The following TMEM198 variants were observed in gnomAD, a reference collection of about 807,000 sequenced individuals.
TMEM198 encodes the protein transmembrane protein 198.
TMEM198 carries 21 observed loss-of-function variants against 31.5 expected under a neutral mutation model. The ratio of observed to expected loss-of-function variants is 0.67; its 90% confidence interval spans 0.47 to 0.96. TMEM198 has a LOEUF of 0.96. TMEM198 is among the 40% of genes least tolerant of loss of function. The pLI is 0.00. For synonymous variants in TMEM198, 211 were observed against 223.3 expected, an observed-to-expected ratio of 0.95 and a Z score of 0.49; for missense variants, 447 against 499.4, an observed-to-expected ratio of 0.89 and a Z score of 1.00.
At chr2:219,548,138 G>T in intron 3 of TMEM198, 57 bp downstream of exon 3, 1 of 1,426,892 alleles carries the variant, frequency 7.0e-7, no homozygotes, top group South Asian at 1.4e-5. Flanking sequence ...GGGATGGGTT[G>T]GGGGCCAAGT....
Position 219,547,801 on chromosome 2 carries a change from G to T in TMEM198, c.462G>T (p.Leu154=), listed in dbSNP as rs772421709. 6.3e-7 allele frequency: 1 copy of T among 1,591,812 alleles called. No individual in the cohort carries two copies. The highest frequency in any genetic ancestry group is 1.1e-5 in the South Asian group (1 of 90,316). Residue 154 remains leucine, a synonymous_variant, in exon 3 of 5, where the codon CTG becomes CTT. Transcript: ENST00000373883. Reference sequence around the variant, plus strand: ...TGTGGGGTCCACTGGGGCTGTTGCTGGGGGGCGGCCTGCTCTGTGCCCTGC... The same window carrying T: ...TGTGGGGTCCACTGGGGCTGTTGCTTGGGGGCGGCCTGCTCTGTGCCCTGC... The part of the protein sequence containing the change: ...GSVWGPLGLL[L]GGGLLCALLT...
intron 2 of TMEM198, 85 bp from the exon 3 acceptor site, chr2:219,547,421 A>C: frequency 9.1e-7 from 1 of 1,102,164 alleles, no homozygotes; most frequent in Non-Finnish European, 1.2e-6. Flanking sequence ...TTCCCCTGGG[A>C]TCCCATGTCC....
chr2:219,547,912 C>A lies in TMEM198; in HGVS notation c.573C>A (p.Phe191Leu). ...AALIATAADY[F>L]AELLLLGRYV... Reference sequence around the variant, plus strand: ...TGATCGCCACTGCCGCTGACTACTTCGCCGAGCTGCTACTGCTGGGGCGCT... The same window carrying A: ...TGATCGCCACTGCCGCTGACTACTTAGCCGAGCTGCTACTGCTGGGGCGCT... The change falls in exon 3 of 5, where the codon TTC becomes TTA. Residue 191 changes from phenylalanine to leucine, a missense_variant. By Grantham distance (22) the Phe-to-Leu change is conservative. Transcript: ENST00000373883. The A allele has an allele frequency of 6.3e-7, 1 of 1,596,090 alleles. No individual in the cohort carries two copies. The highest frequency in any genetic ancestry group is 8.5e-7 in the Non-Finnish European group (1 of 1,178,114).
In TMEM198 at chr2:219,547,658, G is replaced by T; in HGVS notation, c.319G>T (p.Gly107Trp). ...GIALGIGLLC[G>W]LVAMLVRSVG... ...CGCTCTGGGCATCGGGCTGCTCTGC[G>T]GGCTGGTGGCCATGCTAGTGCGCAG... Residue 107 changes from glycine (G) to tryptophan (W), a missense_variant, in exon 3 of 5, where the codon GGG (glycine) becomes TGG (tryptophan). By Grantham distance (184) the Gly-to-Trp change is radical (BLOSUM62 -2). Coordinates refer to ENST00000373883, the MANE Select transcript of TMEM198 (RefSeq NM_001005209.3). 1.3e-6 allele frequency: 2 copies of T among 1,534,000 alleles called. No homozygotes were observed. Among genetic ancestry groups the T allele is most frequent in the Non-Finnish European group, 8.8e-7 (1 of 1,140,074 alleles).
rs1347362464 is a variant in TMEM198, at chr2:219,547,923, T to C, written c.584T>C (p.Leu195Pro). 3 of 1,596,146 alleles carry C rather than the reference T, an allele frequency of 1.9e-6. No individual in the cohort carries two copies. In the African/African-American group the frequency reaches 4.0e-5, roughly 21 times the overall value. ...GCCGCTGACTACTTCGCCGAGCTGC[T>C]ACTGCTGGGGCGCTACGTGGTGGAG... Reference protein sequence around the residue: ...ATAADYFAELLLLGRYVVERL... With the variant: ...ATAADYFAELPLLGRYVVERL... Residue 195 changes from leucine (L) to proline (P), a missense_variant, in exon 3 of 5, where the codon CTA becomes CCA. Transcript: ENST00000373883.
intron 2 of TMEM198, among the ~76,000 whole-genome samples, chr2:219,546,926 G>A (rs56387533): frequency 0.4 from 60,125 of 151,686 alleles, 12,740 homozygotes; most frequent in Admixed American, 0.47. Flanking sequence ...TTACAGGTGC[G>A]TGCCACCATG....
At chr2:219,546,415 T>G (rs1053115030) in intron 2 of TMEM198, among the ~76,000 whole-genome samples, 1 of 152,128 alleles carries the variant, frequency 6.6e-6, no homozygotes, top group Non-Finnish European at 1.5e-5. Flanking sequence ...TCCTCTCACC[T>G]CCAGTTATGT....
chr2:219,543,701 C>A (rs568624042), upstream of TMEM198: 46 of 472,096 alleles, frequency 9.7e-5, no homozygotes, highest in East Asian at 1.5e-3. Flanking sequence ...AGCCGAATCC[C>A]CGGAGCCGCG....
In TMEM198 at chr2:219,549,683, G is replaced by T. The variant is rs201993517; in HGVS notation, c.946-34G>T. 4 of 1,607,048 alleles carry T rather than the reference G, an allele frequency of 2.5e-6. No homozygotes were observed. In the African/African-American group the frequency reaches 4.0e-5, roughly 16 times the overall value. Reference sequence around the variant, plus strand: ...GGTGGCTTTTAGGGCAGGATTCTGCGGTGGGACTCACACCTATGTTTGCTC... The same window carrying T: ...GGTGGCTTTTAGGGCAGGATTCTGCTGTGGGACTCACACCTATGTTTGCTC... On this transcript the variant is annotated intron_variant, in intron 4 of 4. Transcript: ENST00000373883.
At chr2:219,543,926 G>A (rs1025502651), upstream of TMEM198, 7 of 351,616 alleles carry the variant, frequency 2.0e-5, no homozygotes, top group East Asian at 7.9e-5. Context: ...GGGAGAGGGA[G>A]ACGCCGGGGG....
At chr2:219,547,148 G>C (rs746043322) in intron 2 of TMEM198, 49 of 193,868 alleles carry the variant, frequency 2.5e-4, no homozygotes, top group Admixed American at 8.5e-4. Context: ...TGATCCCCTT[G>C]GGACCCCAGT....
At chr2:219,549,682 C>T (rs764679713) in intron 4 of TMEM198, 35 bp from the exon 5 acceptor site, 35 of 1,606,358 alleles carry the variant, frequency 2.2e-5, no homozygotes, top group African/African-American at 9.4e-5. Context: ...CAGGATTCTG[C>T]GGTGGGACTC....
In TMEM198 at chr2:219,548,221, G is replaced by A; in HGVS notation, c.742+140G>A. Reference sequence around the variant, plus strand: ...AGCTGACTTGCTCAGGGTCTGGGAGGATAGCACCCAGGTGCCATCATTCAT... The same window carrying A: ...AGCTGACTTGCTCAGGGTCTGGGAGAATAGCACCCAGGTGCCATCATTCAT... On this transcript the variant is annotated intron_variant, in intron 3 of 4. Transcript: ENST00000373883. 5.0e-6 allele frequency: 4 copies of A among 792,298 alleles called. No homozygotes were observed. In the South Asian group the frequency reaches 6.2e-5, roughly 12 times the overall value. 49.1% of individuals were successfully genotyped at this position (792,298 alleles called of 1,614,324 possible). A position where few individuals can be genotyped will look rare whatever the true frequency, so the allele number is the denominator to read the frequency against.
In TMEM198 at chr2:219,549,313, C is replaced by T. The variant is rs771127537; in HGVS notation, c.904C>T (p.Pro302Ser). ...ACCAGACCCTGCTTATCGGCGCAGG[C>T]CAGTGCCCATCAAACGCTTCAATGG... ...GPPDPAYRRR[P>S]VPIKRFNGDV... Residue 302 changes from proline to serine, a missense_variant, in exon 4 of 5, where the codon CCA (proline) becomes TCA (serine). Transcript: ENST00000373883. 1 of 1,613,832 alleles carries T rather than the reference C, an allele frequency of 6.2e-7. No homozygotes were observed. The highest frequency in any genetic ancestry group is 8.5e-7 in the Non-Finnish European group (1 of 1,180,008).
Position 219,549,206 on chromosome 2 carries a change from A to G in TMEM198, c.797A>G (p.Glu266Gly). The change falls in exon 4 of 5, where the codon GAA becomes GGA. Residue 266 changes from glutamate to glycine, a missense_variant. Glu to Gly is a moderately conservative substitution (Grantham distance 98). Coordinates refer to ENST00000373883, the MANE Select transcript of TMEM198 (RefSeq NM_001005209.3). The stretch of plus-strand genomic sequence containing the variant: ...CAACTGATGCGGATTCGGCAGCAGG[A>G]AGATCGCAAGGAGAAAAGGCGGAAA... ...RVQLMRIRQQEDRKEKRRKKR... is the reference protein window; with the variant it reads ...RVQLMRIRQQGDRKEKRRKKR... 6.2e-7 allele frequency: 1 copy of G among 1,613,978 alleles called. No individual in the cohort carries two copies. The highest frequency in any genetic ancestry group is 8.5e-7 in the Non-Finnish European group (1 of 1,180,024).
In TMEM198 at chr2:219,549,283, G is replaced by T; in HGVS notation, c.874G>T (p.Gly292Trp). ...LRGPRAPPRP[G>W]PPDPAYRRRP... ...AGGTCCCCGGGCTCCTCCCAGGCCT[G>T]GGCCACCAGACCCTGCTTATCGGCG... is the stretch of plus-strand genomic sequence containing the variant. Residue 292 changes from glycine to tryptophan, a missense_variant, in exon 4 of 5, where the codon GGG becomes TGG. Gly to Trp is a radical substitution (Grantham distance 184, BLOSUM62 -2). Coordinates refer to ENST00000373883, the MANE Select transcript of TMEM198 (RefSeq NM_001005209.3). The T allele has an allele frequency of 6.2e-7, 1 of 1,613,920 alleles. No individual in the cohort carries two copies. Among genetic ancestry groups the T allele is most frequent in the South Asian group, 1.1e-5 (1 of 91,088 alleles).
rs149471088 is a variant in TMEM198, at chr2:219,549,259, G to C, written c.850G>C (p.Gly284Arg). ...GAGACCTCCTCGGGCTCCCCTCAGA[G>C]GTCCCCGGGCTCCTCCCAGGCCTGG... ...KKRPPRAPLRGPRAPPRPGPP... is the reference protein window; with the variant it reads ...KKRPPRAPLRRPRAPPRPGPP... Residue 284 changes from glycine to arginine, a missense_variant, in exon 4 of 5, where the codon GGT becomes CGT. Physicochemically the swap from Gly to Arg is moderately radical, Grantham distance 125. Transcript: ENST00000373883. The C allele has an allele frequency of 1.2e-6, 2 of 1,613,978 alleles. No individual in the cohort carries two copies. Among genetic ancestry groups the C allele is most frequent in the Non-Finnish European group, 1.7e-6 (2 of 1,180,034 alleles).
Position 219,550,112 on chromosome 2 carries a change from CGTGTGTCT to C in TMEM198, c.*265_*272del, listed in dbSNP as rs1559129417. 1.1e-5 allele frequency: 5 copies of C among 459,708 alleles called. No individual in the cohort carries two copies. The highest frequency in any genetic ancestry group is 3.9e-5 in the South Asian group (1 of 25,602). 28.5% of individuals were successfully genotyped at this position (459,708 alleles called of 1,614,324 possible). On this transcript the variant is annotated 3_prime_UTR_variant, in exon 5 of 5. Transcript: ENST00000373883. ...TGCTCAGGGTTGTGAGTGTGTTGCCCGTGTGTCTGTGTGTATGTGTGTGGGGGTGGGCA... is the reference window on the plus strand; with the variant it reads ...TGCTCAGGGTTGTGAGTGTGTTGCCCGTGTGTATGTGTGTGGGGGTGGGCA...
intron 3 of TMEM198, 87 bp downstream of exon 3, chr2:219,548,168 G>A (rs1695433555): frequency 8.2e-7 from 1 of 1,224,494 alleles, no homozygotes; most frequent in Admixed American, 2.7e-5. Context: ...GTGGGGGACA[G>A]CAGCAGAAGG....
Sources: allele counts gnomAD v4.1 joint callset (sites outside exome capture counted in the v4.1 genomes callset), GRCh38; gene constraint gnomAD v4.1.1; transcripts MANE v1.5; gene names NCBI Gene and HGNC (gene_info 2026-07-23, HGNC 2026-07-21).